SIK3: variants seen among roughly 807,000 people sequenced by gnomAD.
SIK3 encodes SIK family kinase 3.
A neutral mutation model predicts 144.2 loss-of-function variants in SIK3; 28 were observed. That is an observed-to-expected ratio of 0.19 (90% CI 0.14 to 0.27). The LOEUF is 0.27. Ranked by LOEUF, SIK3 falls within the 10% of genes least tolerant of loss-of-function variation. The pLI is 1.00. For missense variants in SIK3, 1,319 were observed against 1,776.0 expected (o/e 0.74, Z 4.62); for synonymous variants, 686 against 676.3 (o/e 1.01, Z -0.22).
At chr11:116,875,806 C>T in intron 9 of SIK3, 60 bp downstream of exon 9, 1 of 1,534,098 alleles carries the variant, frequency 6.5e-7, no homozygotes, top group Admixed American at 2.2e-5. Context: ...TGAGCAACAG[C>T]TAACCTTTAC....
At chr11:117,092,465 C>T (rs773131233) in intron 1 of SIK3, among the ~76,000 whole-genome samples, 2 of 152,280 alleles carry the variant, frequency 1.3e-5, no homozygotes, top group Middle Eastern at 3.4e-3. Flanking sequence ...CAGCAGCCCC[C>T]CCCAGGGATT....
chr11:117,002,964 G>C (rs747962126), intron 1 of SIK3, among the ~76,000 whole-genome samples: 9 of 152,216 alleles, frequency 5.9e-5, no homozygotes, highest in Non-Finnish European at 1.2e-4. Flanking sequence ...CAGTACTGAT[G>C]AAGTCCGGAT....
At chr11:117,060,179 A>G (rs1047889262) in intron 1 of SIK3, among the ~76,000 whole-genome samples, 2 of 152,240 alleles carry the variant, frequency 1.3e-5, no homozygotes, top group Non-Finnish European at 2.9e-5. Context: ...ACAATGAGCT[A>G]TCAAACCATG....
chr11:116,902,098 T>A (rs892518894), intron 4 of SIK3, among the ~76,000 whole-genome samples: 2 of 152,224 alleles, frequency 1.3e-5, no homozygotes, highest in Admixed American at 1.3e-4. Flanking sequence ...TGCGAATGAT[T>A]CTGTTCTGCC....
intron 1 of SIK3, among the ~76,000 whole-genome samples, chr11:116,996,973 C>A (rs1467946362): frequency 6.6e-6 from 1 of 151,946 alleles, no homozygotes; most frequent in African/African-American, 2.4e-5. Context: ...GTTCTCTGAC[C>A]ATATGCACAT....
intron 1 of SIK3, among the ~76,000 whole-genome samples, chr11:116,988,100 A>G (rs1326547292): frequency 1.3e-5 from 2 of 152,336 alleles, no homozygotes; most frequent in East Asian, 3.9e-4. Context: ...GTACAAAATA[A>G]AGAGATCCTG....
intron 1 of SIK3, among the ~76,000 whole-genome samples, chr11:116,960,254 G>A (rs537310784): frequency 3.4e-4 from 52 of 152,140 alleles, no homozygotes; most frequent in Admixed American, 8.5e-4. Flanking sequence ...GGCCAGGCAC[G>A]GTGGTTCACG....
chr11:117,047,752 G>T (rs1221170324), intron 1 of SIK3, among the ~76,000 whole-genome samples: 1 of 151,996 alleles, frequency 6.6e-6, no homozygotes, highest in Non-Finnish European at 1.5e-5. Context: ...AGACCAGCCT[G>T]GGCAACATAG....
intron 1 of SIK3, among the ~76,000 whole-genome samples, chr11:117,084,161 T>G (rs551799066): frequency 6.6e-6 from 1 of 152,314 alleles, no homozygotes; most frequent in African/African-American, 2.4e-5. Context: ...CTTGTCTCAG[T>G]AAAGCAACCA....
intron 1 of SIK3, among the ~76,000 whole-genome samples, chr11:116,983,916 T>C (rs1165493638): frequency 2.0e-5 from 3 of 151,964 alleles, no homozygotes; most frequent in Non-Finnish European, 4.4e-5. Flanking sequence ...CCAGGTGTGG[T>C]GGCACACGCC....
intron 1 of SIK3, among the ~76,000 whole-genome samples, chr11:117,013,972 C>T (rs796650423): frequency 0.45 from 12,163 of 26,994 alleles, 2,967 homozygotes; most frequent in Admixed American, 0.56. Context: ...TTTTTCTTTT[C>T]TTTTTTTTTT....
At chr11:117,036,233 TA>T (rs1402280421) in intron 1 of SIK3, among the ~76,000 whole-genome samples, 4 of 140,424 alleles carry the variant, frequency 2.8e-5, no homozygotes, top group South Asian at 2.2e-4. Flanking sequence ...AAATAAAATT[TA>T]AAAAAAAATA....
At chr11:116,895,989 A>C (rs1341311092) in intron 6 of SIK3, among the ~76,000 whole-genome samples, 2 of 152,192 alleles carry the variant, frequency 1.3e-5, no homozygotes, top group African/African-American at 2.4e-5. Flanking sequence ...AGCCCTCACA[A>C]AACTCTCAGC....
chr11:116,985,916 T>C lies in SIK3; in HGVS notation c.274-28852A>G, dbSNP rs531252351. On this transcript the variant is annotated intron_variant, in intron 1 of 24. Transcript: ENST00000445177. ...TGAACCTCAATCCAGTTATTTCAGA[T>C]GCGGGCTATTGGAAGAAAATCAATT... 4.6e-5 allele frequency among the ~76,000 whole-genome samples: 7 copies of C among 152,316 alleles called. 1 individual carries two copies. Among genetic ancestry groups the C allele is most frequent in the African/African-American group, 1.7e-4 (7 of 41,570 alleles).
intron 1 of SIK3, among the ~76,000 whole-genome samples, chr11:117,088,224 C>T (rs1955100544): frequency 6.6e-6 from 1 of 152,020 alleles, no homozygotes; most frequent in African/African-American, 2.4e-5. Context: ...GGTGACAAAG[C>T]GAAACCCTAT....
intron 6 of SIK3, among the ~76,000 whole-genome samples, chr11:116,892,145 AACTGAGG>A (rs976927480): frequency 1.3e-5 from 2 of 152,206 alleles, no homozygotes; most frequent in African/African-American, 4.8e-5. Flanking sequence ...ACAAAAAGTT[AACTGAGG>A]ACTGATCACC....
chr11:117,011,918 AATAC>A (rs1318971325), intron 1 of SIK3, among the ~76,000 whole-genome samples: 1 of 152,188 alleles, frequency 6.6e-6, no homozygotes, highest in Non-Finnish European at 1.5e-5. Flanking sequence ...TTAAAAAATA[AATAC>A]ATAAAGTTTC....
rs35775477 is a variant in SIK3 at position 116,972,086 on chromosome 11, C to CAA, written c.274-15024_274-15023dup. Among the ~76,000 whole-genome samples, 14 of 111,980 alleles carry CAA rather than the reference C, an allele frequency of 1.3e-4. 1 individual carries two copies. The South Asian group carries it at 1.9e-3, about 16-fold the overall frequency. The allele number at this position is 111,980 out of a possible 152,430, so 73.5% of individuals were successfully genotyped here. A position where few individuals can be genotyped will look rare whatever the true frequency, so the allele number is the denominator to read the frequency against. On this transcript the variant is annotated intron_variant, in intron 1 of 24. Coordinates refer to ENST00000445177, the MANE Select transcript of SIK3 (RefSeq NM_001366686.3). ...TGGGCAACAGAGCGAGACTCGGTCT[C>CAA]AAAAAAAAAAAAAAAAGAAAAGAAT...
chr11:117,074,715 G>C (rs907644937), intron 1 of SIK3, among the ~76,000 whole-genome samples: 1 of 152,040 alleles, frequency 6.6e-6, no homozygotes, highest in Non-Finnish European at 1.5e-5. Context: ...CTGAGGTCAG[G>C]AGTTTGGGAC....
Sources: allele counts gnomAD v4.1 joint callset (sites outside exome capture counted in the v4.1 genomes callset), GRCh38; gene constraint gnomAD v4.1.1; transcripts MANE v1.5; gene names NCBI Gene and HGNC (gene_info 2026-07-23, HGNC 2026-07-21).